The following SLC15A2 variants were observed in gnomAD, a reference collection of about 807,000 sequenced individuals.
SLC15A2 encodes the protein solute carrier family 15 member 2.
A neutral mutation model predicts 95.5 loss-of-function variants in SLC15A2; 77 were observed. That is an observed-to-expected ratio of 0.81 (90% CI 0.67 to 0.97). SLC15A2 has a LOEUF of 0.97. SLC15A2 is among the 50% of genes least tolerant of loss of function. The probability of loss-of-function intolerance (pLI) is 0.00; values close to 1 mark genes in which losing one functional copy is unlikely to be tolerated. For synonymous variants in SLC15A2, 306 were observed against 306.9 expected, an observed-to-expected ratio of 1.00 and a Z score of 0.03; for missense variants, 893 against 874.4, an observed-to-expected ratio of 1.02 and a Z score of -0.27.
In SLC15A2 at chr3:121,923,238, T is replaced by C; in HGVS notation, c.974T>C (p.Leu325Ser). The change falls in exon 11 of 22, where the codon TTG becomes TCG. Residue 325 changes from leucine to serine, a missense_variant. Transcript: ENST00000489711. ...LLDQQGSRWT[L>S]QAIRMNRNLG... ...TTGCCCTAGGGTTCACGATGGACTT[T>C]GCAAGCCATCAGGATGAATAGGAAT... The C allele has an allele frequency of 6.2e-7, 1 of 1,613,986 alleles. No homozygotes were observed. Among genetic ancestry groups the C allele is most frequent in the Non-Finnish European group, 8.5e-7 (1 of 1,179,884 alleles).
chr3:121,931,839 G>A, intron 19 of SLC15A2, 104 bp downstream of exon 19: 1 of 661,822 alleles, frequency 1.5e-6, no homozygotes. Flanking sequence ...CTGTGGCAAA[G>A]CAGACACGTA....
chr3:121,896,922 G>GAT lies in SLC15A2; in HGVS notation c.193+429_193+430insAT, dbSNP rs1559837500. ...TCTCCAAAAAAAAAAAAAAAAAAGG[G>GAT]GGGGGAGGGAAAGCTCTCATTATCT... On this transcript the variant is annotated intron_variant, in intron 2 of 21. Coordinates refer to ENST00000489711, the MANE Select transcript of SLC15A2 (RefSeq NM_021082.4). Among the ~76,000 whole-genome samples, 5 of 130,192 alleles carry GAT rather than the reference G, an allele frequency of 3.8e-5. No homozygotes were observed. In the East Asian group the frequency reaches 7.4e-4, roughly 19 times the overall value. The allele number at this position is 130,192 out of a possible 152,430, so 85.4% of individuals were successfully genotyped here. A position where few individuals can be genotyped will look rare whatever the true frequency, so the allele number is the denominator to read the frequency against.
In SLC15A2 at chr3:121,896,474, T is replaced by C. The variant is rs1428114071; in HGVS notation, c.174T>C (p.Phe58=). Residue 58 remains phenylalanine, a synonymous_variant, in exon 2 of 22, where the codon TTT becomes TTC. Transcript: ENST00000489711. Reference sequence around the variant, plus strand: ...TGGTGAATGAATTCTGCGAGCGCTTTTCCTATTATGGAATGAAAGGTAATT... The same window carrying C: ...TGGTGAATGAATTCTGCGAGCGCTTCTCCTATTATGGAATGAAAGGTAATT... ...FIVVNEFCER[F]SYYGMKAVLI... 6.2e-6 allele frequency: 10 copies of C among 1,613,918 alleles called. No homozygotes were observed. The Admixed American group carries it at 1.2e-4, about 19-fold the overall frequency.
intron 3 of SLC15A2, among the ~76,000 whole-genome samples, chr3:121,907,426 G>A (rs542398391): frequency 1.3e-5 from 2 of 152,228 alleles, no homozygotes; most frequent in Non-Finnish European, 2.9e-5. Flanking sequence ...TGGAGGAGAA[G>A]AGGCACTCTG....
chr3:121,937,785 C>T (rs1211576412), intron 19 of SLC15A2, among the ~76,000 whole-genome samples: 9 of 152,202 alleles, frequency 5.9e-5, no homozygotes, highest in East Asian at 1.9e-4. Context: ...ATTCTCTATC[C>T]GGCTTTGTTC....
chr3:121,904,177 T>C (rs1332978535), intron 3 of SLC15A2, among the ~76,000 whole-genome samples: 2 of 152,196 alleles, frequency 1.3e-5, no homozygotes, highest in Non-Finnish European at 1.5e-5. Flanking sequence ...ATAAGAATGC[T>C]TGTGATTTTT....
Position 121,930,857 on chromosome 3 carries a change from A to C in SLC15A2, c.1571A>C (p.His524Pro). Residue 524 changes from histidine (H) to proline (P), a missense_variant, in exon 18 of 22, where the codon CAT becomes CCT. Physicochemically the swap from His to Pro is moderately conservative, Grantham distance 77 (BLOSUM62 -2). Transcript: ENST00000489711. ...ACCCTCAGGTTTGTTAACACTTTGC[A>C]TAAAGATGTCAACATCTCCCTGAGT... ...MTTVRFVNTL[H>P]KDVNISLSTD... The C allele has an allele frequency of 6.2e-7, 1 of 1,610,532 alleles. No individual in the cohort carries two copies. Among genetic ancestry groups the C allele is most frequent in the African/African-American group, 1.3e-5 (1 of 74,982 alleles).
At chr3:121,930,811 T>G (rs1342295655) in intron 17 of SLC15A2, 29 bp from the exon 18 acceptor site, 3 of 1,433,564 alleles carry the variant, frequency 2.1e-6, no homozygotes, top group Non-Finnish European at 3.0e-6. Flanking sequence ...CCTGTTTGTT[T>G]GATATGTAAA....
chr3:121,932,317 G>A (rs1479768614), intron 19 of SLC15A2, among the ~76,000 whole-genome samples: 1 of 152,216 alleles, frequency 6.6e-6, no homozygotes, highest in African/African-American at 2.4e-5. Context: ...AGCCATCACT[G>A]TGAGATGCCA....
Position 121,930,896 on chromosome 3 carries a change from T to C in SLC15A2, c.1610T>C (p.Leu537Pro), listed in dbSNP as rs775256049. 1.2e-6 allele frequency: 2 copies of C among 1,613,682 alleles called. No individual in the cohort carries two copies. Among genetic ancestry groups the C allele is most frequent in the Admixed American group, 3.3e-5 (2 of 60,002 alleles). The part of the protein sequence containing the change: ...VNISLSTDTS[L>P]NVGEDYGVSA... ...ATCTCCCTGAGTACAGATACCTCTCTCAATGTTGGTGAAGACTATGGTGTG... is the reference window on the plus strand; with the variant it reads ...ATCTCCCTGAGTACAGATACCTCTCCCAATGTTGGTGAAGACTATGGTGTG... The change falls in exon 18 of 22, where the codon CTC becomes CCC. Residue 537 changes from leucine (L) to proline (P), a missense_variant. By Grantham distance (98) the Leu-to-Pro change is moderately conservative. Coordinates refer to ENST00000489711, the MANE Select transcript of SLC15A2 (RefSeq NM_021082.4).
chr3:121,940,528 T>C, intron 21 of SLC15A2, 40 bp downstream of exon 21: 2 of 1,514,318 alleles, frequency 1.3e-6, no homozygotes, highest in Non-Finnish European at 1.8e-6. Context: ...TCTACTCAAG[T>C]TTTTCCTCCA....
intron 5 of SLC15A2, among the ~76,000 whole-genome samples, chr3:121,913,943 C>G (rs1559845207): frequency 6.7e-6 from 1 of 148,646 alleles, no homozygotes; most frequent in South Asian, 2.3e-4. Flanking sequence ...TTCTCTCTCT[C>G]CCCCCCACCT....
intron 3 of SLC15A2, among the ~76,000 whole-genome samples, chr3:121,898,045 C>G (rs1252861585): frequency 6.6e-6 from 1 of 151,922 alleles, no homozygotes; most frequent in Non-Finnish European, 1.5e-5. Flanking sequence ...ACCTGTAATC[C>G]CAGCTACTTG....
At chr3:121,933,698 C>A (rs1030749160) in intron 19 of SLC15A2, among the ~76,000 whole-genome samples, 22 of 152,064 alleles carry the variant, frequency 1.4e-4, no homozygotes, top group Non-Finnish European at 2.8e-4. Flanking sequence ...AAAATTTTCT[C>A]CCATTTTTTA....
At chr3:121,897,171 T>C (rs773495672) in intron 2 of SLC15A2, among the ~76,000 whole-genome samples, 7 of 151,824 alleles carry the variant, frequency 4.6e-5, no homozygotes, top group Admixed American at 1.3e-4. Flanking sequence ...AGGAGTATTA[T>C]ATTTGTACAT....
chr3:121,940,690 C>G, intron 21 of SLC15A2, 141 bp from the exon 22 acceptor site: 4 of 904,128 alleles, frequency 4.4e-6, no homozygotes, highest in Non-Finnish European at 5.0e-6. Flanking sequence ...TGAGGAGAGG[C>G]CAGTGAACCC....
intron 13 of SLC15A2, among the ~76,000 whole-genome samples, chr3:121,927,068 G>A (rs971030343): frequency 1.3e-5 from 2 of 152,180 alleles, no homozygotes; most frequent in African/African-American, 4.8e-5. Context: ...GAGTCAATAA[G>A]TTGTTTTGAT....
Position 121,940,415 on chromosome 3 carries a change from C to T in SLC15A2, c.1940C>T (p.Ala647Val), listed in dbSNP as rs1302968639. 1 of 1,614,094 alleles carries T rather than the reference C, an allele frequency of 6.2e-7. No homozygotes were observed. Among genetic ancestry groups the T allele is most frequent in the Admixed American group, 1.7e-5 (1 of 60,020 alleles). Residue 647 changes from alanine to valine, a missense_variant, in exon 21 of 22, where the codon GCA becomes GTA. Physicochemically the swap from Ala to Val is moderately conservative, Grantham distance 64. Transcript: ENST00000489711. The part of the protein sequence containing the change: ...APSSMKSVLQ[A>V]AWLLTIAVGN... ...TCTAGCATGAAATCTGTGCTCCAGG[C>T]AGCTTGGCTATTGACAATTGCAGTT...
chr3:121,933,872 C>A (rs1246137737), intron 19 of SLC15A2, among the ~76,000 whole-genome samples: 1 of 148,334 alleles, frequency 6.7e-6, no homozygotes, highest in Non-Finnish European at 1.5e-5. Context: ...CCTAGGTTTT[C>A]TTCTAGGGTT....
Sources: allele counts gnomAD v4.1 joint callset (sites outside exome capture counted in the v4.1 genomes callset), GRCh38; gene constraint gnomAD v4.1.1; transcripts MANE v1.5; gene names NCBI Gene and HGNC (gene_info 2026-07-23, HGNC 2026-07-21).